The following SLC30A6 variants were observed in gnomAD, a reference collection of about 807,000 sequenced individuals.
SLC30A6 encodes the protein zinc transporter 6.
In SLC30A6, 55 loss-of-function variants were observed where a neutral mutation model predicts 63.0. That is an observed-to-expected ratio of 0.87 (90% confidence interval 0.70 to 1.09). SLC30A6 has a LOEUF of 1.09. SLC30A6 is among the 50% of genes least tolerant of loss of function. SLC30A6 has a pLI of 0.00. For synonymous variants in SLC30A6, 224 were observed against 186.1 expected (o/e 1.20, Z -1.66); for missense variants, 587 against 549.2 (o/e 1.07, Z -0.69).
At chr2:32,182,684 G>A (rs1014315483) in intron 4 of SLC30A6, among the ~76,000 whole-genome samples, 15 of 152,042 alleles carry the variant, frequency 9.9e-5, no homozygotes, top group African/African-American at 3.6e-4. Context: ...GCAAATCCAG[G>A]GATAGAAATA....
Position 32,192,935 on chromosome 2 carries a change from A to T in SLC30A6, c.383A>T (p.Glu128Val), listed in dbSNP as rs2148854237. The change falls in exon 7 of 14, where the codon GAA becomes GTA. Residue 128 changes from glutamate (E) to valine (V), a missense_variant. By Grantham distance (121) the Glu-to-Val change is moderately radical. Coordinates refer to ENST00000282587, the MANE Select transcript of SLC30A6 (RefSeq NM_017964.5). ...ILKESAERFL[E>V]QPEIHTGRLL... ...TCTTATAGTGCAGAACGCTTTTTGG[A>T]ACAGCCCGAGATACACACGTGAGAT... 6.6e-7 allele frequency: 1 copy of T among 1,525,942 alleles called. No homozygotes were observed. The highest frequency in any genetic ancestry group is 1.3e-5 in the South Asian group (1 of 78,294). The allele number at this position is 1,525,942 out of a possible 1,614,324, so 94.5% of individuals were successfully genotyped here.
At chr2:32,185,673 C>T (rs1167794783) in intron 5 of SLC30A6, among the ~76,000 whole-genome samples, 1 of 151,954 alleles carries the variant, frequency 6.6e-6, no homozygotes, top group Non-Finnish European at 1.5e-5. Flanking sequence ...TAAGGATTTT[C>T]ATAAATCAAT....
At chr2:32,197,503 C>T (rs1222569998) in intron 9 of SLC30A6, 111 bp downstream of exon 9, 1 of 1,258,104 alleles carries the variant, frequency 7.9e-7, no homozygotes, top group Admixed American at 1.9e-5. Context: ...GTGAATCACA[C>T]AGGTCAGATT....
At chr2:32,176,145 A>G (rs1002712323) in intron 4 of SLC30A6, among the ~76,000 whole-genome samples, 32 of 152,256 alleles carry the variant, frequency 2.1e-4, no homozygotes, top group Admixed American at 2.0e-3. Context: ...AGAAAAAGAA[A>G]AGGAAGAAAA....
At chr2:32,190,181 G>T (rs771514724) in intron 5 of SLC30A6, among the ~76,000 whole-genome samples, 9 of 151,970 alleles carry the variant, frequency 5.9e-5, no homozygotes, top group Non-Finnish European at 1.2e-4. Flanking sequence ...ATTTTAGGCC[G>T]GGCGCGGTGG....
intron 1 of SLC30A6, among the ~76,000 whole-genome samples, chr2:32,168,731 G>A (rs1680907272): frequency 6.6e-6 from 1 of 152,186 alleles, no homozygotes; most frequent in Non-Finnish European, 1.5e-5. Flanking sequence ...TCACGCAAGA[G>A]TGGTCATGAG....
Position 32,213,268 on chromosome 2 carries a change from G to T in SLC30A6, c.885+3707G>T, listed in dbSNP as rs370149045. Among the ~76,000 whole-genome samples, 48 of 149,834 alleles carry T rather than the reference G, an allele frequency of 3.2e-4. No homozygotes were observed. The South Asian group carries it at 7.4e-3, about 23-fold the overall frequency. The stretch of plus-strand genomic sequence containing the variant: ...TGTCTCAACTGTACTACTCAGTTTG[G>T]ATTCTCTTGCCAATGTTTCTTTTTG... On this transcript the variant is annotated intron_variant, in intron 13 of 13. Transcript: ENST00000282587.
intron 10 of SLC30A6, chr2:32,203,535 C>T (rs1299054825): frequency 3.1e-6 from 5 of 1,606,094 alleles, no homozygotes; most frequent in Non-Finnish European, 4.3e-6. Context: ...GAACCACGAT[C>T]TTTGATCACC....
At chr2:32,188,221 G>T (rs968024277) in intron 5 of SLC30A6, among the ~76,000 whole-genome samples, 1 of 152,122 alleles carries the variant, frequency 6.6e-6, no homozygotes, top group Admixed American at 6.6e-5. Context: ...TCTTTGCAAG[G>T]CTGGCTTCAT....
At chr2:32,179,576 G>A (rs1039547938) in intron 4 of SLC30A6, among the ~76,000 whole-genome samples, 1 of 152,168 alleles carries the variant, frequency 6.6e-6, no homozygotes, top group African/African-American at 2.4e-5. Flanking sequence ...CGATCCTGCT[G>A]GGTATAGGGA....
intron 1 of SLC30A6, among the ~76,000 whole-genome samples, chr2:32,168,546 G>C (rs1219866756): frequency 6.6e-6 from 1 of 151,860 alleles, no homozygotes; most frequent in Non-Finnish European, 1.5e-5. Flanking sequence ...GCTTTACTTT[G>C]GTTAATGCAA....
At chr2:32,193,355 G>T (rs530478321) in intron 7 of SLC30A6, among the ~76,000 whole-genome samples, 1 of 152,032 alleles carries the variant, frequency 6.6e-6, no homozygotes, top group Non-Finnish European at 1.5e-5. Flanking sequence ...CAGGAGGATC[G>T]CTTGAGTTCA....
At chr2:32,185,358 A>G (rs978465168) in intron 5 of SLC30A6, among the ~76,000 whole-genome samples, 3 of 151,648 alleles carry the variant, frequency 2.0e-5, no homozygotes, top group Non-Finnish European at 4.4e-5. Flanking sequence ...CCTGTCTCAA[A>G]AAAAAAAAAA....
Position 32,223,633 on chromosome 2 carries a change from C to T in SLC30A6, c.*2920C>T, listed in dbSNP as rs1686258952. On this transcript the variant is annotated 3_prime_UTR_variant, in exon 14 of 14. Transcript: ENST00000282587. Reference sequence around the variant, plus strand: ...ACAGGCCAAGCGTTACCTACACCAACACCCAAGCCATTAATTTGAGGTGCC... The same window carrying T: ...ACAGGCCAAGCGTTACCTACACCAATACCCAAGCCATTAATTTGAGGTGCC... 1 of 152,244 alleles carries T rather than the reference C, an allele frequency of 6.6e-6. No individual in the cohort carries two copies. Among genetic ancestry groups the T allele is most frequent in the Non-Finnish European group, 1.5e-5 (1 of 68,036 alleles). 9.4% of individuals were successfully genotyped at this position (152,244 alleles called of 1,614,324 possible). A position where few individuals can be genotyped will look rare whatever the true frequency, so the allele number is the denominator to read the frequency against.
chr2:32,201,338 G>C (rs73922708), intron 10 of SLC30A6, among the ~76,000 whole-genome samples: 1 of 152,210 alleles, frequency 6.6e-6, no homozygotes. Flanking sequence ...GTTGACTACA[G>C]TGTTACCATA....
intron 7 of SLC30A6, 60 bp from the exon 8 acceptor site, chr2:32,193,829 A>G (rs1244747849): frequency 7.2e-7 from 1 of 1,381,654 alleles, no homozygotes; most frequent in Non-Finnish European, 1.0e-6. Flanking sequence ...ACGTATTGAA[A>G]TTACATACTG....
intron 2 of SLC30A6, among the ~76,000 whole-genome samples, chr2:32,173,320 G>T (rs886223499): frequency 2.6e-5 from 4 of 151,254 alleles, no homozygotes; most frequent in African/African-American, 9.7e-5. Context: ...CCAAAATGAA[G>T]ATTTTTCCTT....
chr2:32,172,843 T>G (rs1382003962), intron 2 of SLC30A6, among the ~76,000 whole-genome samples: 2 of 152,184 alleles, frequency 1.3e-5, no homozygotes, highest in Non-Finnish European at 2.9e-5. Context: ...TAATACCTTC[T>G]TCATCCTCAC....
intron 5 of SLC30A6, chr2:32,187,147 C>T (rs1682908392): frequency 2.1e-6 from 1 of 469,998 alleles, no homozygotes; most frequent in Non-Finnish European, 4.4e-6. Context: ...TTTTTTGCCT[C>T]CCAGGCCTGC....
Sources: allele counts gnomAD v4.1 joint callset (sites outside exome capture counted in the v4.1 genomes callset), GRCh38; gene constraint gnomAD v4.1.1; transcripts MANE v1.5; gene names NCBI Gene and HGNC (gene_info 2026-07-23, HGNC 2026-07-21).